The following DLG2 variants were observed in gnomAD, a reference collection of about 807,000 sequenced individuals.
DLG2 encodes discs large MAGUK scaffold protein 2, also known as disks large homolog 2.
In DLG2, 45 loss-of-function variants were observed where a neutral mutation model predicts 132.5. The observed-to-expected ratio is 0.34, with a 90% CI of 0.27 to 0.44. The LOEUF is 0.44. Among genes scored for constraint, DLG2 ranks in the 20% least tolerant of loss-of-function variants. DLG2 has a pLI of 1.00. For synonymous variants in DLG2, 424 were observed against 419.6 expected, an observed-to-expected ratio of 1.01 and a Z score of -0.13; for missense variants, 1,045 against 1,196.9, an observed-to-expected ratio of 0.87 and a Z score of 1.87.
intron 22 of DLG2, among the ~76,000 whole-genome samples, chr11:83,483,925 C>G (rs2093330471): frequency 6.6e-6 from 1 of 152,100 alleles, no homozygotes; most frequent in Non-Finnish European, 1.5e-5. Context: ...AAGTCTCTCT[C>G]CAATGCCTTC....
intron 21 of DLG2, among the ~76,000 whole-genome samples, chr11:83,515,165 T>C (rs1467889052): frequency 6.6e-6 from 1 of 152,218 alleles, no homozygotes; most frequent in Non-Finnish European, 1.5e-5. Flanking sequence ...CCTGGACTTT[T>C]TTTGGTTGGT....
chr11:84,247,176 T>C (rs2154347649), intron 8 of DLG2, among the ~76,000 whole-genome samples: 1 of 152,322 alleles, frequency 6.6e-6, no homozygotes, highest in Admixed American at 6.5e-5. Context: ...TAATTTTATT[T>C]TCTAAAGCAT....
chr11:83,966,336 T>C (rs927682618), intron 12 of DLG2, among the ~76,000 whole-genome samples: 2 of 152,016 alleles, frequency 1.3e-5, no homozygotes, highest in Non-Finnish European at 2.9e-5. Flanking sequence ...TCATTTAATA[T>C]GAGTCTATTC....
chr11:84,238,887 T>C (rs1429995696), intron 8 of DLG2, among the ~76,000 whole-genome samples: 1 of 152,142 alleles, frequency 6.6e-6, no homozygotes, highest in African/African-American at 2.4e-5. Flanking sequence ...AAAAAGCATT[T>C]GTAAACGACC....
At chr11:84,509,100 T>C (rs2099250249) in intron 7 of DLG2, among the ~76,000 whole-genome samples, 1 of 152,248 alleles carries the variant, frequency 6.6e-6, no homozygotes, top group Non-Finnish European at 1.5e-5. Flanking sequence ...AAGCTAGTGC[T>C]AATATATATG....
chr11:84,907,744 A>G (rs74631524), intron 6 of DLG2, among the ~76,000 whole-genome samples: 16,460 of 152,134 alleles, frequency 0.11, 1,033 homozygotes, highest in African/African-American at 0.12. Flanking sequence ...ACCTGTCTGC[A>G]CCCAATGACA....
chr11:83,561,106 T>A (rs1416431202), intron 19 of DLG2, among the ~76,000 whole-genome samples: 2 of 152,094 alleles, frequency 1.3e-5, no homozygotes, highest in Non-Finnish European at 2.9e-5. Context: ...AATAACCAGA[T>A]CTTGTGATAA....
intron 7 of DLG2, chr11:84,273,059 C>CTATGATCTATAG: frequency 1.8e-6 from 2 of 1,109,168 alleles, no homozygotes; most frequent in Non-Finnish European, 2.4e-6. Flanking sequence ...ATCAAATGCA[C>CTATGATCTATAG]AGAATTTATA....
At chr11:84,116,484 T>C (rs2154197064) in intron 9 of DLG2, among the ~76,000 whole-genome samples, 1 of 152,274 alleles carries the variant, frequency 6.6e-6, no homozygotes, top group East Asian at 1.9e-4. Flanking sequence ...GGTGAAGGTC[T>C]TACATGGTGG....
At chr11:84,614,088 A>G (rs1402949391) in intron 6 of DLG2, among the ~76,000 whole-genome samples, 1 of 152,218 alleles carries the variant, frequency 6.6e-6, no homozygotes, top group Non-Finnish European at 1.5e-5. Flanking sequence ...ACTGTGTATT[A>G]TTCAATCATT....
chr11:85,215,790 T>C lies in DLG2; in HGVS notation c.187-61139A>G, dbSNP rs143200041. On this transcript the variant is annotated intron_variant, in intron 4 of 27. Coordinates refer to ENST00000376104, the MANE Select transcript of DLG2 (RefSeq NM_001142699.3). ...CCTACCACCCCTTTGAATTACACAATGCATGCATTAATAAACTTGTTTGTT... is the reference window on the plus strand; with the variant it reads ...CCTACCACCCCTTTGAATTACACAACGCATGCATTAATAAACTTGTTTGTT... Among the ~76,000 whole-genome samples the C allele has an allele frequency of 3.9e-5, 6 of 152,286 alleles. No homozygotes were observed. In the East Asian group the frequency reaches 1.2e-3, roughly 29 times the overall value.
At chr11:85,324,244 T>C (rs2081283436) in intron 3 of DLG2, among the ~76,000 whole-genome samples, 1 of 152,148 alleles carries the variant, frequency 6.6e-6, no homozygotes, top group Non-Finnish European at 1.5e-5. Context: ...CTTCTACTTG[T>C]ATTTTTTTGG....
At chr11:83,727,107 T>C (rs1454161727) in intron 18 of DLG2, among the ~76,000 whole-genome samples, 2 of 152,256 alleles carry the variant, frequency 1.3e-5, no homozygotes, top group Non-Finnish European at 2.9e-5. Flanking sequence ...TTTAACAATA[T>C]AAGAGCAGCT....
intron 6 of DLG2, among the ~76,000 whole-genome samples, chr11:84,752,480 A>AT (rs1237338060): frequency 6.6e-6 from 1 of 151,318 alleles, no homozygotes; most frequent in Non-Finnish European, 1.5e-5. Context: ...TTTTATTATT[A>AT]TTTTTTTATC....
rs1488042387 is a variant in DLG2 at position 83,458,819 on chromosome 11, C to T, written c.*999G>A. On this transcript the variant is annotated 3_prime_UTR_variant, in exon 28 of 28. Coordinates refer to ENST00000376104, the MANE Select transcript of DLG2 (RefSeq NM_001142699.3). Reference sequence around the variant, plus strand: ...AAAAAATGCATTAACCAAATGTCTTCCAAAAATATCCATGAGGGCAACTCA... The same window carrying T: ...AAAAAATGCATTAACCAAATGTCTTTCAAAAATATCCATGAGGGCAACTCA... 1.3e-5 allele frequency: 2 copies of T among 152,152 alleles called. No individual in the cohort carries two copies. Among genetic ancestry groups the T allele is most frequent in the Non-Finnish European group, 2.9e-5 (2 of 68,036 alleles). 9.4% of individuals were successfully genotyped at this position (152,152 alleles called of 1,614,324 possible).
intron 6 of DLG2, among the ~76,000 whole-genome samples, chr11:84,983,826 G>A (rs1592206415): frequency 6.6e-6 from 1 of 152,126 alleles, no homozygotes; most frequent in Non-Finnish European, 1.5e-5. Context: ...AGGAAATAAT[G>A]GATGCATTTA....
rs539310938 is a variant in DLG2 at position 84,652,932 on chromosome 11, G to GTT, written c.358-118203_358-118202dup. The stretch of plus-strand genomic sequence containing the variant: ...GGTACAATAGAATCCAATATTGGAG[G>GTT]TTTTTTTTTTTTTTTTTTAGATGGA... On this transcript the variant is annotated intron_variant, in intron 6 of 27. Coordinates refer to ENST00000376104, the MANE Select transcript of DLG2 (RefSeq NM_001142699.3). Among the ~76,000 whole-genome samples, 601 of 136,112 alleles carry GTT rather than the reference G, an allele frequency of 4.4e-3. 4 individuals carry two copies. The highest frequency in any genetic ancestry group is 0.014 in the African/African-American group (505 of 37,134). 89.3% of individuals were successfully genotyped at this position (136,112 alleles called of 152,430 possible). A position where few individuals can be genotyped will look rare whatever the true frequency, so the allele number is the denominator to read the frequency against.
In DLG2 at chr11:83,503,352, T is replaced by TAC. The variant is rs1170309965; in HGVS notation, c.2194-19126_2194-19125dup. Among the ~76,000 whole-genome samples the TAC allele has an allele frequency of 8.5e-3, 817 of 95,982 alleles. 20 individuals are homozygous for TAC. The highest frequency in any genetic ancestry group is 0.026 in the African/African-American group (784 of 29,748). The allele number at this position is 95,982 out of a possible 152,430, so 63.0% of individuals were successfully genotyped here. ...ATTAGGATATATATATTTATATATA[T>TAC]ACACACACACACCCATTTATATATA... On this transcript the variant is annotated intron_variant, in intron 21 of 27. Transcript: ENST00000376104.
intron 2 of DLG2, among the ~76,000 whole-genome samples, chr11:85,603,670 C>T (rs1397439706): frequency 6.6e-6 from 1 of 152,054 alleles, no homozygotes; most frequent in Admixed American, 6.6e-5. Context: ...AATTCCAGCA[C>T]TTTGGGTGGC....
Sources: allele counts gnomAD v4.1 joint callset (sites outside exome capture counted in the v4.1 genomes callset), GRCh38; gene constraint gnomAD v4.1.1; transcripts MANE v1.5; gene names NCBI Gene and HGNC (gene_info 2026-07-23, HGNC 2026-07-21).